Variants in MSMB observed in about 807,000 individuals in gnomAD.
The protein encoded by MSMB is microseminoprotein beta, also known as beta-microseminoprotein.
In MSMB, 10 loss-of-function variants were observed where a neutral mutation model predicts 10.5. That is an observed-to-expected ratio of 0.95 (90% CI 0.59 to 1.62). The LOEUF is 1.62. Among genes scored for constraint, MSMB ranks in the 40% most tolerant of loss-of-function variants. The pLI is 0.00. For synonymous variants in MSMB, 43 were observed against 46.5 expected (o/e 0.93, Z 0.30); for missense variants, 126 against 137.4 (o/e 0.92, Z 0.42).
chr10:46,043,368 A>G lies in MSMB; in HGVS notation c.3+2867T>C, dbSNP rs560672753. On this transcript the variant is annotated intron_variant, in intron 1 of 3. Transcript: ENST00000582163. ...ATTTAATTTTGAGATTATCCACTTG[A>G]CAGTATCTCAGAAATAGCCTAATGC... Among the ~76,000 whole-genome samples, 13 of 152,128 alleles carry G rather than the reference A, an allele frequency of 8.5e-5. No individual in the cohort carries two copies. The East Asian group carries it at 2.5e-3, about 29-fold the overall frequency.
chr10:46,038,822 G>A, intron 3 of MSMB, 144 bp downstream of exon 3: 1 of 664,178 alleles, frequency 1.5e-6, no homozygotes, highest in Non-Finnish European at 2.6e-6. Flanking sequence ...GTTTTGCTGT[G>A]AATCTAAAAC....
At chr10:46,041,370 A>G (rs1324112996) in intron 1 of MSMB, among the ~76,000 whole-genome samples, 2 of 151,790 alleles carry the variant, frequency 1.3e-5, no homozygotes, top group African/African-American at 2.4e-5. Context: ...AAAAAAATCA[A>G]TTAAGATCTT....
intron 3 of MSMB, among the ~76,000 whole-genome samples, chr10:46,038,112 G>T (rs1325404332): frequency 6.6e-6 from 1 of 152,174 alleles, no homozygotes; most frequent in Admixed American, 6.5e-5. Context: ...GCCAGGGGCT[G>T]GGGAGAAGGG....
intron 1 of MSMB, 23 bp from the exon 2 acceptor site, chr10:46,040,114 G>A (rs1304556515): frequency 6.3e-7 from 1 of 1,591,930 alleles, no homozygotes; most frequent in Non-Finnish European, 8.6e-7. Flanking sequence ...GAAAGGTCAG[G>A]GTGGAGAATG....
intron 1 of MSMB, among the ~76,000 whole-genome samples, chr10:46,044,603 A>AAAAAAAAAAAAT (rs1840848804): frequency 7.1e-6 from 1 of 141,074 alleles, no homozygotes; most frequent in Admixed American, 7.0e-5. Flanking sequence ...AAAAAAAAAA[A>AAAAAAAAAAAAT]GTTGTATCTC....
rs61271065 is a variant in MSMB, at chr10:46,037,452, T to C, written c.215+1514A>G. Among the ~76,000 whole-genome samples the C allele has an allele frequency of 2.2e-3, 331 of 152,336 alleles. 1 individual carries two copies. Among genetic ancestry groups the C allele is most frequent in the African/African-American group, 7.5e-3 (312 of 41,568 alleles). On this transcript the variant is annotated intron_variant, in intron 3 of 3. Transcript: ENST00000582163. ...GGGGTTGGGAGTTAGGTAGCTGTTA[T>C]GGACATAGCTGCTGAGGAAACAGGT...
At chr10:46,043,408 TCTCCCTCC>T (rs1259219941) in intron 1 of MSMB, among the ~76,000 whole-genome samples, 1 of 150,770 alleles carries the variant, frequency 6.6e-6, no homozygotes, top group Non-Finnish European at 1.5e-5. Flanking sequence ...TCTCTCTCTC[TCTCCCTCC>T]CTCCCTCCCT....
At chr10:46,044,198 T>C (rs988832498) in intron 1 of MSMB, among the ~76,000 whole-genome samples, 3 of 152,110 alleles carry the variant, frequency 2.0e-5, no homozygotes, top group Admixed American at 1.3e-4. Context: ...GTGCAGGAGA[T>C]TACACCACGA....
chr10:46,034,561 C>G (rs1416836522), intron 3 of MSMB, among the ~76,000 whole-genome samples: 1 of 151,888 alleles, frequency 6.6e-6, no homozygotes, highest in Non-Finnish European at 1.5e-5. Context: ...CGCTGTGTCT[C>G]ACGCCTGTAA....
chr10:46,044,109 C>T (rs1196110514), intron 1 of MSMB, among the ~76,000 whole-genome samples: 1 of 152,140 alleles, frequency 6.6e-6, no homozygotes, highest in East Asian at 1.9e-4. Flanking sequence ...TTTTTCATTC[C>T]TGTCTTCTAT....
intron 1 of MSMB, among the ~76,000 whole-genome samples, chr10:46,042,484 C>A (rs782151249): frequency 2.6e-5 from 4 of 152,118 alleles, no homozygotes; most frequent in Non-Finnish European, 5.9e-5. Flanking sequence ...TTTGAACAAT[C>A]GTTAAGGAGA....
intron 3 of MSMB, among the ~76,000 whole-genome samples, chr10:46,038,509 C>T (rs1057127334): frequency 2.0e-5 from 3 of 151,992 alleles, no homozygotes; most frequent in East Asian, 1.9e-4. Context: ...AGGAGGGTCT[C>T]GATCTCCTGA....
intron 1 of MSMB, among the ~76,000 whole-genome samples, chr10:46,043,052 C>T (rs1214983673): frequency 2.6e-5 from 4 of 152,104 alleles, no homozygotes; most frequent in African/African-American, 9.7e-5. Flanking sequence ...GCCTTCAGCT[C>T]GAAATCATTG....
intron 1 of MSMB, among the ~76,000 whole-genome samples, chr10:46,041,777 G>T (rs779097331): frequency 1.3e-5 from 2 of 150,868 alleles, no homozygotes; most frequent in Admixed American, 6.6e-5. Flanking sequence ...CTGGGCAACA[G>T]AGTGAAACCC....
rs1840506833 is a variant in MSMB at position 46,033,433 on chromosome 10, A to G, written c.334T>C (p.Trp112Arg). 1.9e-6 allele frequency: 3 copies of G among 1,613,646 alleles called. No individual in the cohort carries two copies. The highest frequency in any genetic ancestry group is 2.5e-6 in the Non-Finnish European group (3 of 1,179,678). Residue 112 changes from tryptophan to arginine, a missense_variant, in exon 4 of 4, where the codon TGG (tryptophan) becomes CGG (arginine). Coordinates refer to ENST00000582163, the MANE Select transcript of MSMB (RefSeq NM_002443.4). ...DPKKTCSVSE[W>R]II ...CTACTAGAAGCACATTAGATTATCC[A>G]TTCACTGACAGAACAGGTCTTTTTT...
chr10:46,042,055 G>T (rs1379601658), intron 1 of MSMB, among the ~76,000 whole-genome samples: 1 of 151,974 alleles, frequency 6.6e-6, no homozygotes, highest in Non-Finnish European at 1.5e-5. Flanking sequence ...ATTCTAAAAG[G>T]ATTCAAGGTT....
intron 1 of MSMB, among the ~76,000 whole-genome samples, chr10:46,044,031 G>A (rs1266244264): frequency 6.6e-6 from 1 of 152,052 alleles, no homozygotes; most frequent in African/African-American, 2.4e-5. Context: ...AGACTTACAC[G>A]GAAGCTCCCA....
chr10:46,044,863 G>GT (rs1840855544), intron 1 of MSMB, among the ~76,000 whole-genome samples: 1 of 152,138 alleles, frequency 6.6e-6, no homozygotes, highest in Non-Finnish European at 1.5e-5. Flanking sequence ...GGCAGGCAGA[G>GT]GTATTGCCAG....
chr10:46,043,435 G>GTCTATCTC (rs1469310283), intron 1 of MSMB, among the ~76,000 whole-genome samples: 1 of 124,376 alleles, frequency 8.0e-6, no homozygotes, highest in African/African-American at 3.0e-5. Flanking sequence ...CTCCCTTTCT[G>GTCTATCTC]TCTCTCTCTC....
Sources: allele counts gnomAD v4.1 joint callset (sites outside exome capture counted in the v4.1 genomes callset), GRCh38; gene constraint gnomAD v4.1.1; transcripts MANE v1.5; gene names NCBI Gene and HGNC (gene_info 2026-07-23, HGNC 2026-07-21).